NELL1: variants seen among roughly 807,000 people sequenced by gnomAD.
The protein encoded by NELL1 is neural EGFL like 1, also known as protein kinase C-binding protein NELL1.
In NELL1, 76 loss-of-function variants were observed where a neutral mutation model predicts 107.4. That is an observed-to-expected ratio of 0.71 (90% CI 0.59 to 0.86). The LOEUF is 0.86. Among genes scored for constraint, NELL1 ranks in the 40% least tolerant of loss-of-function variants. The pLI, the probability that NELL1 is intolerant of heterozygous loss-of-function variation, is 0.00. For missense variants in NELL1, 1,024 were observed against 1,005.5 expected (o/e 1.02, Z -0.25); for synonymous variants, 353 against 341.2 (o/e 1.03, Z -0.38).
intron 2 of NELL1, among the ~76,000 whole-genome samples, chr11:20,744,349 C>T (rs921593771): frequency 6.6e-6 from 1 of 152,192 alleles, no homozygotes; most frequent in Non-Finnish European, 1.5e-5. Context: ...TATTTATCAT[C>T]CTTGCTTGTC....
chr11:20,870,206 G>A (rs1407967689), intron 4 of NELL1, among the ~76,000 whole-genome samples: 1 of 152,132 alleles, frequency 6.6e-6, no homozygotes, highest in African/African-American at 2.4e-5. Flanking sequence ...ATTTGTCTAA[G>A]GCTACATCCC....
At chr11:21,280,222 T>G (rs1184101201) in intron 14 of NELL1, among the ~76,000 whole-genome samples, 1 of 152,192 alleles carries the variant, frequency 6.6e-6, no homozygotes, top group Non-Finnish European at 1.5e-5. Flanking sequence ...TGGTTGATAC[T>G]GATGCATCAG....
At chr11:21,210,058 ATCTG>A (rs1857467783) in intron 13 of NELL1, among the ~76,000 whole-genome samples, 1 of 152,148 alleles carries the variant, frequency 6.6e-6, no homozygotes, top group Non-Finnish European at 1.5e-5. Context: ...CTGTTGAAGC[ATCTG>A]TCAGTATTTT....
At chr11:21,212,710 C>T (rs1327855681) in intron 13 of NELL1, among the ~76,000 whole-genome samples, 3 of 152,156 alleles carry the variant, frequency 2.0e-5, no homozygotes, top group Non-Finnish European at 4.4e-5. Flanking sequence ...TGGAGCTCTA[C>T]CTCCACCCAG....
intron 2 of NELL1, among the ~76,000 whole-genome samples, chr11:20,707,092 T>C (rs1432548913): frequency 6.6e-6 from 1 of 152,210 alleles, no homozygotes; most frequent in Non-Finnish European, 1.5e-5. Flanking sequence ...ACTTCTCTTC[T>C]CGCTTCATTT....
chr11:20,770,291 G>A (rs1318095763), intron 2 of NELL1, among the ~76,000 whole-genome samples: 3 of 152,302 alleles, frequency 2.0e-5, no homozygotes, highest in East Asian at 1.9e-4. Context: ...TTTAAGGGGG[G>A]ACATTAATGT....
intron 12 of NELL1, among the ~76,000 whole-genome samples, chr11:21,094,070 CA>C (rs1280237322): frequency 6.6e-6 from 1 of 152,144 alleles, no homozygotes; most frequent in Non-Finnish European, 1.5e-5. Flanking sequence ...TCTGTAAAAT[CA>C]AAAGCAGGTT....
chr11:20,851,180 T>C (rs763516443), intron 4 of NELL1, among the ~76,000 whole-genome samples: 6 of 152,222 alleles, frequency 3.9e-5, no homozygotes, highest in Non-Finnish European at 1.5e-5. Flanking sequence ...CTGAGGAATA[T>C]TAATGTGGCA....
At chr11:20,865,257 G>C (rs547729012) in intron 4 of NELL1, among the ~76,000 whole-genome samples, 1 of 152,172 alleles carries the variant, frequency 6.6e-6, no homozygotes, top group Admixed American at 6.5e-5. Context: ...TATGACTGAG[G>C]CTTGCTGTAA....
chr11:20,984,557 A>G (rs1485126880), intron 12 of NELL1, among the ~76,000 whole-genome samples: 1 of 152,154 alleles, frequency 6.6e-6, no homozygotes, highest in East Asian at 1.9e-4. Context: ...CCCCACTTAG[A>G]ATAGAATAGG....
rs867216309 is a variant in NELL1 at position 21,101,452 on chromosome 11, A to C, written c.1301-12137A>C. Among the ~76,000 whole-genome samples, 112 of 152,286 alleles carry C rather than the reference A, an allele frequency of 7.4e-4. 1 individual carries two copies. The highest frequency in any genetic ancestry group is 2.3e-3 in the African/African-American group (95 of 41,580). On this transcript the variant is annotated intron_variant, in intron 12 of 19. Transcript: ENST00000357134. ...ATGGTTGAACTAGTTTACAGTCCCA[A>C]CAACAGTGTAAAAGTGTTCCTATTT...
chr11:21,238,642 C>T (rs1055373837), intron 14 of NELL1, among the ~76,000 whole-genome samples: 13 of 151,986 alleles, frequency 8.6e-5, no homozygotes, highest in African/African-American at 3.1e-4. Flanking sequence ...AAAGTATTCA[C>T]CCTCTTTTTC....
intron 15 of NELL1, among the ~76,000 whole-genome samples, chr11:21,467,383 A>G (rs1854058095): frequency 6.6e-6 from 1 of 152,140 alleles, no homozygotes; most frequent in Non-Finnish European, 1.5e-5. Flanking sequence ...TGGCTCTAAT[A>G]CAATTATATA....
chr11:21,341,751 A>G (rs1850570716), intron 14 of NELL1, among the ~76,000 whole-genome samples: 1 of 152,214 alleles, frequency 6.6e-6, no homozygotes, highest in African/African-American at 2.4e-5. Flanking sequence ...CTTGTGTATA[A>G]TCTATACTGG....
intron 15 of NELL1, among the ~76,000 whole-genome samples, chr11:21,502,356 C>T (rs1267738556): frequency 5.9e-5 from 9 of 152,114 alleles, no homozygotes; most frequent in Admixed American, 1.3e-4. Context: ...GGCTCCAAAA[C>T]CCGTGATCTT....
intron 16 of NELL1, among the ~76,000 whole-genome samples, chr11:21,544,400 A>G (rs1318662792): frequency 6.6e-6 from 1 of 152,000 alleles, no homozygotes; most frequent in Non-Finnish European, 1.5e-5. Flanking sequence ...TATACTTTAA[A>G]ATATGGGGTC....
intron 13 of NELL1, among the ~76,000 whole-genome samples, chr11:21,177,448 T>C (rs182256564): frequency 1.3e-5 from 2 of 151,948 alleles, no homozygotes; most frequent in East Asian, 3.9e-4. Flanking sequence ...ATTTCTTACT[T>C]GTTTAAGGCC....
At chr11:21,086,010 A>G (rs567412673) in intron 12 of NELL1, among the ~76,000 whole-genome samples, 2 of 152,332 alleles carry the variant, frequency 1.3e-5, no homozygotes, top group African/African-American at 4.8e-5. Flanking sequence ...TGAAGGGCTC[A>G]TCTCTCCATT....
chr11:21,097,910 C>T (rs1476067604), intron 12 of NELL1, among the ~76,000 whole-genome samples: 1 of 150,694 alleles, frequency 6.6e-6, no homozygotes, highest in East Asian at 2.0e-4. Flanking sequence ...CTCTCAAATG[C>T]ACATATCTCA....
Sources: gnomAD v4.1 joint callset for allele counts (sites outside exome capture counted in the v4.1 genomes callset) on GRCh38, gnomAD v4.1.1 for gene constraint, MANE v1.5 for transcripts, NCBI Gene and HGNC (gene_info 2026-07-23, HGNC 2026-07-21) for gene names.